The following C19orf44 variants were observed in gnomAD, a reference collection of about 807,000 sequenced individuals.
C19orf44 encodes the protein uncharacterized protein C19orf44.
C19orf44 carries 43 observed loss-of-function variants against 50.7 expected under a neutral mutation model. The ratio of observed to expected loss-of-function variants is 0.85; its 90% confidence interval spans 0.66 to 1.09. The LOEUF (loss-of-function observed/expected upper bound fraction) is 1.09. Among genes scored for constraint, C19orf44 ranks in the 50% least tolerant of loss-of-function variants. The pLI, the probability that C19orf44 is intolerant of heterozygous loss-of-function variation, is 0.00. For synonymous variants in C19orf44, 298 were observed against 334.7 expected, an observed-to-expected ratio of 0.89 and a Z score of 1.20; for missense variants, 722 against 836.2, an observed-to-expected ratio of 0.86 and a Z score of 1.68.
At chr19:16,509,240 A>G (rs1019170933) in intron 4 of C19orf44, among the ~76,000 whole-genome samples, 1 of 152,118 alleles carries the variant, frequency 6.6e-6, no homozygotes, top group Non-Finnish European at 1.5e-5. Context: ...CCTTAAGTCC[A>G]TGATGAAATG....
intron 3 of C19orf44, among the ~76,000 whole-genome samples, chr19:16,506,243 G>A (rs192453099): frequency 2.8e-4 from 42 of 151,668 alleles, no homozygotes; most frequent in African/African-American, 9.7e-4. Flanking sequence ...CCAAAGTGTT[G>A]GGATTACAGG....
chr19:16,501,699 C>G lies in C19orf44; in HGVS notation c.759+148C>G, dbSNP rs571739108. ...CCTCCACTCCTAGATTCAAGTGATT[C>G]TCCTGCCTCAGCCTCCCGAGTAGCT... On this transcript the variant is annotated intron_variant, in intron 2 of 8. Transcript: ENST00000221671. 9 of 514,794 alleles carry G rather than the reference C, an allele frequency of 1.7e-5. No homozygotes were observed. The African/African-American group carries it at 1.8e-4, about 11-fold the overall frequency. 31.9% of individuals were successfully genotyped at this position (514,794 alleles called of 1,614,324 possible). A position where few individuals can be genotyped will look rare whatever the true frequency, so the allele number is the denominator to read the frequency against.
At position 16,520,326 on chromosome 19, in the gene C19orf44, G is replaced by C. The variant is rs753599451; in HGVS notation, c.*273G>C. The stretch of plus-strand genomic sequence containing the variant: ...AGGCGTCGTGGGGAGGCCACAGGAA[G>C]AGGCCTCAGGCACTGCCCTGAGGCA... On this transcript the variant is annotated 3_prime_UTR_variant, in exon 9 of 9. Transcript: ENST00000221671. The surrounding 1 kb of genome is among the most constrained non-coding windows in gnomAD (Gnocchi z 4.0). 2 of 1,611,476 alleles carry C rather than the reference G, an allele frequency of 1.2e-6. No homozygotes were observed. Among genetic ancestry groups the C allele is most frequent in the African/African-American group, 2.7e-5 (2 of 74,834 alleles).
At position 16,514,518 on chromosome 19, in the gene C19orf44, C is replaced by T; in HGVS notation, c.1757C>T (p.Ala586Val). 6.2e-7 allele frequency: 1 copy of T among 1,611,308 alleles called. No individual in the cohort carries two copies. Among genetic ancestry groups the T allele is most frequent in the South Asian group, 1.1e-5 (1 of 90,878 alleles). The change falls in exon 7 of 9, where the codon GCC (alanine) becomes GTC (valine). Residue 586 changes from alanine to valine, a missense_variant. Physicochemically the swap from Ala to Val is moderately conservative, Grantham distance 64. Coordinates refer to ENST00000221671, the MANE Select transcript of C19orf44 (RefSeq NM_032207.4). The stretch of plus-strand genomic sequence containing the variant: ...TCAGCCCTGACCGCTTACAGCCCGG[C>T]CGTGCTGGCACTCCATGATGTGCTG... Reference protein sequence around the residue: ...AIEALTAYSPAVLALHDVLKQ... With the variant: ...AIEALTAYSPVVLALHDVLKQ...
intron 7 of C19orf44, 139 bp downstream of exon 7, chr19:16,514,802 T>C (rs2093467408): frequency 1.8e-6 from 2 of 1,082,550 alleles, no homozygotes; most frequent in Admixed American, 3.5e-5. Flanking sequence ...GGCCATCACC[T>C]GTCCCTGTGG....
At chr19:16,506,560 T>G (rs1186888474) in intron 3 of C19orf44, 141 bp from the exon 4 acceptor site, 3 of 539,176 alleles carry the variant, frequency 5.6e-6, no homozygotes, top group African/African-American at 2.0e-5. Flanking sequence ...GCCACTGCAC[T>G]CCAGCCTGGG....
Position 16,501,033 on chromosome 19 carries a change from C to G in C19orf44, c.241C>G (p.Pro81Ala). ...GSGPRLASCR[P>A]PTTASRIRAN... ...TGGACCCAGGCTTGCCTCATGTAGA[C>G]CGCCCACCACTGCCTCCAGGATCCG... The change falls in exon 2 of 9, where the codon CCG becomes GCG. Residue 81 changes from proline to alanine, a missense_variant. Transcript: ENST00000221671. The G allele has an allele frequency of 6.2e-7, 1 of 1,614,068 alleles. No homozygotes were observed.
At chr19:16,518,958 T>C in intron 8 of C19orf44, 1 of 595,830 alleles carries the variant, frequency 1.7e-6, no homozygotes, top group Non-Finnish European at 2.9e-6. Flanking sequence ...GTGTGGTTTG[T>C]GGGTGGCACC....
At chr19:16,505,745 T>C (rs1169296347) in intron 3 of C19orf44, among the ~76,000 whole-genome samples, 1 of 152,182 alleles carries the variant, frequency 6.6e-6, no homozygotes, top group Non-Finnish European at 1.5e-5. Context: ...TGCAGTGGCA[T>C]GATCTTGGCT....
Position 16,506,725 on chromosome 19 carries a change from T to C in C19orf44, c.1100T>C (p.Leu367Pro), listed in dbSNP as rs760586856. Residue 367 changes from leucine to proline, a missense_variant, in exon 4 of 9, where the codon CTT (leucine) becomes CCT (proline). Leu to Pro is a moderately conservative substitution (Grantham distance 98). Coordinates refer to ENST00000221671, the MANE Select transcript of C19orf44 (RefSeq NM_032207.4). ...LDEFRINILS[L>P]DGLAPAVSEN... ...GAGTTTAGAATAAATATTTTATCGC[T>C]TGACGGTCTGGCTCCAGCTGTCAGT... 1.2e-6 allele frequency: 2 copies of C among 1,605,254 alleles called. No homozygotes were observed. The highest frequency in any genetic ancestry group is 2.3e-5 in the South Asian group (2 of 88,804).
At chr19:16,513,720 C>T (rs1366327346) in intron 6 of C19orf44, among the ~76,000 whole-genome samples, 3 of 152,166 alleles carry the variant, frequency 2.0e-5, no homozygotes, top group African/African-American at 7.2e-5. Flanking sequence ...CCCTTGGTGG[C>T]ATTACATCAA....
At position 16,514,531 on chromosome 19, in the gene C19orf44, C is replaced by T. The variant is rs757138878; in HGVS notation, c.1770C>T (p.Leu590=). The T allele has an allele frequency of 6.2e-7, 1 of 1,611,996 alleles. No individual in the cohort carries two copies. The highest frequency in any genetic ancestry group is 1.7e-5 in the Admixed American group (1 of 59,922). ...LTAYSPAVLA[L]HDVLKQQLSL... is the part of the protein sequence containing the mutation. ...CTTACAGCCCGGCCGTGCTGGCACT[C>T]CATGATGTGCTGAAGCAGCAGCTGA... The change falls in exon 7 of 9, where the codon CTC becomes CTT. Residue 590 remains leucine, a synonymous_variant. Transcript: ENST00000221671.
Position 16,513,113 on chromosome 19 carries a change from A to G in C19orf44, c.1735+4A>G, listed in dbSNP as rs1289891567. On this transcript the variant is annotated splice_donor_region_variant and intron_variant, in intron 6 of 8. Transcript: ENST00000221671. Reference sequence around the variant, plus strand: ...ATCAGTGCAGATGCAATAGAAGGTAACAGCCCGGCTCGGGGGATCCTTCCT... The same window carrying G: ...ATCAGTGCAGATGCAATAGAAGGTAGCAGCCCGGCTCGGGGGATCCTTCCT... 1.2e-6 allele frequency: 2 copies of G among 1,613,418 alleles called. No individual in the cohort carries two copies. The highest frequency in any genetic ancestry group is 2.7e-5 in the African/African-American group (2 of 74,904).
chr19:16,504,127 T>C (rs2093433354), intron 3 of C19orf44, among the ~76,000 whole-genome samples: 1 of 152,088 alleles, frequency 6.6e-6, no homozygotes, highest in African/African-American at 2.4e-5. Context: ...GCCTGGGAAT[T>C]GGAGGCTGCG....
intron 2 of C19orf44, among the ~76,000 whole-genome samples, chr19:16,502,711 G>A (rs573273210): frequency 6.6e-6 from 1 of 151,916 alleles, no homozygotes; most frequent in Non-Finnish European, 1.5e-5. Context: ...TTAGGTATCA[G>A]CCAGGTATGG....
At chr19:16,503,014 C>A (rs772321987) in intron 2 of C19orf44, 51 bp from the exon 3 acceptor site, 34 of 1,488,354 alleles carry the variant, frequency 2.3e-5, no homozygotes, top group East Asian at 4.6e-5. Flanking sequence ...AACAAAAAAA[C>A]AAAAAACCTT....
intron 1 of C19orf44, among the ~76,000 whole-genome samples, chr19:16,500,013 T>C (rs1315586386): frequency 6.6e-6 from 1 of 151,860 alleles, no homozygotes; most frequent in Non-Finnish European, 1.5e-5. Flanking sequence ...GGTCTTGAAC[T>C]TATGACCTCG....
At chr19:16,514,374 A>G (rs1412160261) in intron 6 of C19orf44, 123 bp from the exon 7 acceptor site, 3 of 1,025,568 alleles carry the variant, frequency 2.9e-6, no homozygotes, top group Non-Finnish European at 2.7e-6. Context: ...GCAGAGCGAG[A>G]CCCTGTCTCC....
chr19:16,507,929 G>A (rs1192203212), intron 4 of C19orf44, among the ~76,000 whole-genome samples: 3 of 151,706 alleles, frequency 2.0e-5, no homozygotes, highest in South Asian at 2.1e-4. Context: ...TCAGCCTCCC[G>A]AGCAGCTGGG....
Sources: gnomAD v4.1 joint callset for allele counts (sites outside exome capture counted in the v4.1 genomes callset) on GRCh38, gnomAD v4.1.1 for gene constraint, Gnocchi (gnomAD v3.1) non-coding constraint, MANE v1.5 for transcripts, NCBI Gene and HGNC (gene_info 2026-07-23, HGNC 2026-07-21) for gene names.